Variants in CTNNA3 observed in about 807,000 individuals in gnomAD.
CTNNA3 encodes catenin alpha 3.
In CTNNA3, 76 loss-of-function variants were observed where a neutral mutation model predicts 95.7. That is an observed-to-expected ratio of 0.79 (90% confidence interval 0.66 to 0.96). The LOEUF (loss-of-function observed/expected upper bound fraction) is 0.96. Ranked by LOEUF, CTNNA3 falls within the 40% of genes least tolerant of loss-of-function variation. CTNNA3 has a pLI of 0.00. For missense variants in CTNNA3, 1,191 were observed against 1,089.8 expected, an observed-to-expected ratio of 1.09 and a Z score of -1.31; for synonymous variants, 431 against 374.4, an observed-to-expected ratio of 1.15 and a Z score of -1.74.
intron 12 of CTNNA3, among the ~76,000 whole-genome samples, chr10:66,347,486 CAT>C (rs2092532241): frequency 6.6e-6 from 1 of 151,760 alleles, no homozygotes; most frequent in Non-Finnish European, 1.5e-5. Flanking sequence ...ATGGTGGCCA[CAT>C]CTGCGGTTCC....
At chr10:66,054,435 TGA>T (rs2080031701) in intron 15 of CTNNA3, among the ~76,000 whole-genome samples, 4 of 152,152 alleles carry the variant, frequency 2.6e-5, no homozygotes, top group Non-Finnish European at 5.9e-5. Flanking sequence ...TGGGGTGAGG[TGA>T]CCTCAAGGTA....
At chr10:66,947,948 C>T (rs1848356940) in intron 7 of CTNNA3, among the ~76,000 whole-genome samples, 2 of 152,152 alleles carry the variant, frequency 1.3e-5, no homozygotes, top group South Asian at 2.1e-4. Context: ...CACACCTAGG[C>T]TATATGGTAT....
intron 5 of CTNNA3, among the ~76,000 whole-genome samples, chr10:67,508,650 A>G (rs1026063508): frequency 1.3e-5 from 2 of 152,340 alleles, no homozygotes; most frequent in Admixed American, 6.5e-5. Context: ...GCAAAAATAA[A>G]TAAGTGAAAT....
intron 13 of CTNNA3, among the ~76,000 whole-genome samples, chr10:66,189,507 A>G (rs188780059): frequency 6.6e-6 from 1 of 151,336 alleles, no homozygotes; most frequent in East Asian, 1.9e-4. Flanking sequence ...TTGGCTACAT[A>G]TGCTTAGTTT....
chr10:66,926,646 T>C (rs1387859184), intron 7 of CTNNA3: 1 of 1,570,814 alleles, frequency 6.4e-7, no homozygotes, highest in Non-Finnish European at 8.8e-7. Flanking sequence ...AAACCTCTAG[T>C]GTGTGTAATA....
intron 13 of CTNNA3, among the ~76,000 whole-genome samples, chr10:66,179,194 T>C (rs567316981): frequency 6.6e-6 from 1 of 152,070 alleles, no homozygotes; most frequent in Non-Finnish European, 1.5e-5. Flanking sequence ...GACTACAGTA[T>C]AGCCATATCA....
At chr10:67,458,682 C>T (rs953531746) in intron 5 of CTNNA3, among the ~76,000 whole-genome samples, 4 of 152,032 alleles carry the variant, frequency 2.6e-5, no homozygotes, top group Admixed American at 6.6e-5. Flanking sequence ...AGTTCAATAC[C>T]TACCTGGCCA....
intron 10 of CTNNA3, among the ~76,000 whole-genome samples, chr10:66,620,418 T>C (rs893181386): frequency 6.6e-6 from 1 of 152,034 alleles, no homozygotes; most frequent in African/African-American, 2.4e-5. Flanking sequence ...GAAAGCCAAA[T>C]AGTCAATAAA....
At chr10:66,137,487 G>A (rs2083414046) in intron 13 of CTNNA3, among the ~76,000 whole-genome samples, 1 of 151,974 alleles carries the variant, frequency 6.6e-6, no homozygotes, top group African/African-American at 2.4e-5. Flanking sequence ...ACAATGGCAG[G>A]GGGCAGGGAC....
intron 5 of CTNNA3, among the ~76,000 whole-genome samples, chr10:67,485,475 G>A (rs1261231454): frequency 6.6e-6 from 1 of 151,988 alleles, no homozygotes; most frequent in Non-Finnish European, 1.5e-5. Context: ...GTACAAACCT[G>A]CACATGTACC....
At chr10:66,582,921 T>C (rs1298370366) in intron 10 of CTNNA3, among the ~76,000 whole-genome samples, 1 of 151,864 alleles carries the variant, frequency 6.6e-6, no homozygotes, top group Middle Eastern at 3.2e-3. Flanking sequence ...AAAAATTCTG[T>C]TTATCTGATG....
chr10:66,451,554 G>A (rs1488369696), intron 11 of CTNNA3, among the ~76,000 whole-genome samples: 3 of 152,054 alleles, frequency 2.0e-5, no homozygotes, highest in African/African-American at 7.2e-5. Context: ...GGTAATTAAT[G>A]AAAATAATAT....
intron 7 of CTNNA3, among the ~76,000 whole-genome samples, chr10:67,110,709 A>C (rs1407379576): frequency 6.6e-6 from 1 of 152,176 alleles, no homozygotes; most frequent in Non-Finnish European, 1.5e-5. Context: ...TAGGCTAATG[A>C]TGACAAGAAG....
intron 3 of CTNNA3, among the ~76,000 whole-genome samples, chr10:67,540,818 A>G (rs913691370): frequency 1.3e-5 from 2 of 152,022 alleles, no homozygotes; most frequent in East Asian, 1.9e-4. Context: ...TTTTCCTTTC[A>G]TACTGGGAAA....
chr10:66,549,697 G>A (rs2659988), intron 10 of CTNNA3, among the ~76,000 whole-genome samples: 140,305 of 152,250 alleles, frequency 0.92, 64,844 homozygotes, highest in East Asian at 0.98. Flanking sequence ...CATTCAGTTT[G>A]AAACATTTTC....
chr10:66,235,283 C>A (rs1044616562), intron 13 of CTNNA3, among the ~76,000 whole-genome samples: 3 of 151,944 alleles, frequency 2.0e-5, no homozygotes, highest in Non-Finnish European at 4.4e-5. Context: ...TTCTTTATTT[C>A]ATGCTTTAAA....
At chr10:67,643,015 T>G (rs1839588974) in intron 2 of CTNNA3, among the ~76,000 whole-genome samples, 1 of 152,054 alleles carries the variant, frequency 6.6e-6, no homozygotes, top group Admixed American at 6.5e-5. Context: ...TAAAGATACA[T>G]GCACATGCAT....
chr10:66,666,822 A>T (rs572548403), intron 9 of CTNNA3, among the ~76,000 whole-genome samples: 5 of 143,544 alleles, frequency 3.5e-5, no homozygotes, highest in African/African-American at 1.3e-4. Context: ...TTACTTTTTT[A>T]ATGTATAAAG....
intron 1 of CTNNA3, among the ~76,000 whole-genome samples, chr10:67,747,237 G>T (rs569862444): frequency 3.3e-5 from 5 of 149,306 alleles, no homozygotes; most frequent in Non-Finnish European, 7.4e-5. Context: ...CCAGACGAGT[G>T]GGTTTCCCCC....
Sources: gnomAD v4.1 joint callset for allele counts (sites outside exome capture counted in the v4.1 genomes callset) on GRCh38, gnomAD v4.1.1 for gene constraint, MANE v1.5 for transcripts, NCBI Gene and HGNC (gene_info 2026-07-23, HGNC 2026-07-21) for gene names.